Variants in RYR2 observed in about 807,000 individuals in gnomAD.
The protein encoded by RYR2 is cardiac muscle ryanodine receptor-calcium release channel.
Under a neutral mutation model 601.1 loss-of-function variants are expected in RYR2, and 227 were observed. That is an observed-to-expected ratio of 0.38 (90% CI 0.34 to 0.42). The LOEUF is 0.42. Among genes scored for constraint, RYR2 ranks in the 10% least tolerant of loss-of-function variants. The pLI, the probability that RYR2 is intolerant of heterozygous loss-of-function variation, is 1.00. For missense variants in RYR2, 4,646 were observed against 6,156.5 expected, an observed-to-expected ratio of 0.75 and a Z score of 8.21; for synonymous variants, 2,223 against 2,175.1, an observed-to-expected ratio of 1.02 and a Z score of -0.61.
intron 44 of RYR2, among the ~76,000 whole-genome samples, chr1:237,636,700 A>G (rs541117509): frequency 6.6e-6 from 1 of 152,332 alleles, no homozygotes; most frequent in African/African-American, 2.4e-5. Flanking sequence ...TAGAAAGGAA[A>G]ATATATGTCC....
intron 58 of RYR2, among the ~76,000 whole-genome samples, chr1:237,673,176 G>C (rs898251688): frequency 1.3e-5 from 2 of 152,046 alleles, no homozygotes; most frequent in Non-Finnish European, 2.9e-5. Flanking sequence ...GTATTTCAGG[G>C]TAGTTGAGCC....
rs145041721 is a variant in RYR2 at position 237,806,304 on chromosome 1, C to T, written c.14298+21C>T. ...AACAGGTAAACAGTTTATCTTTTTC[C>T]TCCCTTGCAGAAAATAAAAAAGCAA... On this transcript the variant is annotated intron_variant, in intron 99 of 104. Coordinates refer to ENST00000366574, the MANE Select transcript of RYR2 (RefSeq NM_001035.3). The T allele has an allele frequency of 2.1e-5, 34 of 1,595,728 alleles. No homozygotes were observed. In the African/African-American group the frequency reaches 3.5e-4, roughly 16 times the overall value.
intron 74 of RYR2, among the ~76,000 whole-genome samples, chr1:237,724,602 A>G (rs2149132117): frequency 6.6e-6 from 1 of 152,100 alleles, no homozygotes; most frequent in Non-Finnish European, 1.5e-5. Flanking sequence ...TAACTTACGT[A>G]ATATTTTCAT....
intron 1 of RYR2, among the ~76,000 whole-genome samples, chr1:237,234,099 T>G (rs1246284589): frequency 6.6e-6 from 1 of 152,172 alleles, no homozygotes; most frequent in Non-Finnish European, 1.5e-5. Context: ...TTAACCAACC[T>G]CAGGGAACTC....
At chr1:237,067,810 A>C (rs1266984430) in intron 1 of RYR2, among the ~76,000 whole-genome samples, 1 of 152,188 alleles carries the variant, frequency 6.6e-6, no homozygotes, top group Admixed American at 6.5e-5. Flanking sequence ...CTTCCTGACT[A>C]AACTCTTTTC....
chr1:237,721,801 T>A (rs770659368), intron 73 of RYR2, among the ~76,000 whole-genome samples: 1 of 152,144 alleles, frequency 6.6e-6, no homozygotes, highest in Non-Finnish European at 1.5e-5. Flanking sequence ...ATTACAGGAG[T>A]GAGCCACCGT....
At chr1:237,518,106 A>C (rs1416441023) in intron 24 of RYR2, among the ~76,000 whole-genome samples, 1 of 152,030 alleles carries the variant, frequency 6.6e-6, no homozygotes, top group East Asian at 1.9e-4. Context: ...TTCCATTATT[A>C]ATGTTACTAT....
chr1:237,304,932 G>A (rs1693726440), intron 2 of RYR2, among the ~76,000 whole-genome samples: 2 of 152,130 alleles, frequency 1.3e-5, no homozygotes, highest in Admixed American at 1.3e-4. Flanking sequence ...AAGAGGAAAT[G>A]CAGATGATCA....
intron 3 of RYR2, among the ~76,000 whole-genome samples, chr1:237,349,250 C>G (rs1054766897): frequency 6.6e-6 from 1 of 152,074 alleles, no homozygotes; most frequent in Non-Finnish European, 1.5e-5. Context: ...AGACTGATAC[C>G]TGATGACACA....
chr1:237,488,667 CCTAA>C (rs1317887290), intron 17 of RYR2, among the ~76,000 whole-genome samples: 1 of 152,128 alleles, frequency 6.6e-6, no homozygotes, highest in Non-Finnish European at 1.5e-5. Context: ...CCTGTCCCAC[CCTAA>C]CTGATACATA....
chr1:237,511,850 A>C (rs57830998), intron 24 of RYR2, 59 bp downstream of exon 24: 12 of 881,512 alleles, frequency 1.4e-5, no homozygotes, highest in African/African-American at 3.6e-5. Flanking sequence ...AAAAAAAAAA[A>C]AAAAAAAAAC....
intron 1 of RYR2, among the ~76,000 whole-genome samples, chr1:237,051,219 C>T (rs575680157): frequency 1.4e-4 from 15 of 110,766 alleles, no homozygotes; most frequent in African/African-American, 1.9e-4. Flanking sequence ...CTTTCTCTCC[C>T]CCCCCTTCCT....
At chr1:237,658,175 T>C (rs1232461314) in intron 54 of RYR2, among the ~76,000 whole-genome samples, 153 bp downstream of exon 54, 4 of 152,126 alleles carry the variant, frequency 2.6e-5, no homozygotes, top group Admixed American at 1.3e-4. Flanking sequence ...TATAATAATA[T>C]AATATTTAGC....
chr1:237,328,819 AC>A (rs929703862), intron 2 of RYR2, among the ~76,000 whole-genome samples: 1 of 152,212 alleles, frequency 6.6e-6, no homozygotes, highest in African/African-American at 2.4e-5. Context: ...TTTAATAAAA[AC>A]TTAAAACAGT....
intron 91 of RYR2, 122 bp downstream of exon 91, chr1:237,786,158 A>G (rs1022199045): frequency 1.5e-5 from 10 of 669,416 alleles, no homozygotes; most frequent in Admixed American, 2.6e-5. Flanking sequence ...CACAGAACTA[A>G]TTGTGCCATC....
chr1:237,122,596 C>A (rs1168534668), intron 1 of RYR2, among the ~76,000 whole-genome samples: 3 of 152,168 alleles, frequency 2.0e-5, no homozygotes, highest in Non-Finnish European at 4.4e-5. Context: ...GCACAAGAAT[C>A]GCTTGAACCT....
chr1:237,707,983 T>A (rs374416462), intron 68 of RYR2, among the ~76,000 whole-genome samples: 2 of 150,632 alleles, frequency 1.3e-5, no homozygotes, highest in Admixed American at 6.7e-5. Flanking sequence ...GGTTTCACCA[T>A]GTTCGCCAGG....
At chr1:237,148,536 A>ATG (rs1674313224) in intron 1 of RYR2, among the ~76,000 whole-genome samples, 2 of 128,456 alleles carry the variant, frequency 1.6e-5, no homozygotes, top group Admixed American at 1.6e-4. Flanking sequence ...AAATATATAT[A>ATG]TATATATATA....
chr1:237,541,650 A>G (rs567724924), intron 25 of RYR2, among the ~76,000 whole-genome samples: 41 of 152,220 alleles, frequency 2.7e-4, no homozygotes, highest in African/African-American at 9.6e-4. Context: ...ACCTGGGTGC[A>G]GGTGGGCTGA....
Sources: allele counts gnomAD v4.1 joint callset (sites outside exome capture counted in the v4.1 genomes callset), GRCh38; gene constraint gnomAD v4.1.1; transcripts MANE v1.5; gene names NCBI Gene and HGNC (gene_info 2026-07-23, HGNC 2026-07-21).